The following CDIN1 variants were observed in gnomAD, a reference collection of about 807,000 sequenced individuals.
The protein encoded by CDIN1 is CDAN1-interacting nuclease 1.
CDIN1 carries 33 observed loss-of-function variants against 45.3 expected under a neutral mutation model. The observed-to-expected ratio is 0.73, with a 90% CI of 0.55 to 0.97. The LOEUF (loss-of-function observed/expected upper bound fraction) is 0.97, where lower values mean the gene tolerates loss of function less well. Ranked by LOEUF, CDIN1 falls within the 50% of genes least tolerant of loss-of-function variation. The probability of loss-of-function intolerance (pLI) is 0.00; values close to 1 mark genes in which losing one functional copy is unlikely to be tolerated. For synonymous variants in CDIN1, 118 were observed against 124.4 expected (o/e 0.95, Z 0.34); for missense variants, 303 against 339.4 (o/e 0.89, Z 0.84).
intron 10 of CDIN1, among the ~76,000 whole-genome samples, chr15:36,781,008 G>C (rs1200363266): frequency 6.6e-6 from 1 of 152,164 alleles, no homozygotes; most frequent in Admixed American, 6.5e-5. Context: ...ACGCCCCAAA[G>C]TCCAGGATAT....
chr15:36,604,261 G>A (rs1445456681), intron 1 of CDIN1, among the ~76,000 whole-genome samples: 1 of 126,032 alleles, frequency 7.9e-6, no homozygotes, highest in Non-Finnish European at 1.7e-5. Flanking sequence ...TTTATGTAAT[G>A]AAAGCCACCT....
At chr15:36,580,771 T>C (rs1271868277) in intron 1 of CDIN1, among the ~76,000 whole-genome samples, 2 of 152,314 alleles carry the variant, frequency 1.3e-5, no homozygotes, top group Non-Finnish European at 2.9e-5. Flanking sequence ...AGAATGTTTG[T>C]TTACTTTTTT....
chr15:36,737,376 A>G (rs1052890530), intron 10 of CDIN1, among the ~76,000 whole-genome samples: 1 of 152,158 alleles, frequency 6.6e-6, no homozygotes, highest in Non-Finnish European at 1.5e-5. Context: ...GAGCATTTGG[A>G]AAATATTAAC....
At chr15:36,796,470 A>C (rs899800160) in intron 10 of CDIN1, among the ~76,000 whole-genome samples, 38 of 152,218 alleles carry the variant, frequency 2.5e-4, no homozygotes, top group African/African-American at 7.5e-4. Flanking sequence ...CCAGAACTGC[A>C]GAATGATTCA....
At chr15:36,636,168 A>G (rs2039889668) in intron 1 of CDIN1, among the ~76,000 whole-genome samples, 1 of 152,204 alleles carries the variant, frequency 6.6e-6, no homozygotes, top group Non-Finnish European at 1.5e-5. Flanking sequence ...TTAAAGCCAG[A>G]TAGAGGAATG....
chr15:36,585,335 T>C (rs533603144), intron 1 of CDIN1, among the ~76,000 whole-genome samples: 173 of 152,380 alleles, frequency 1.1e-3, no homozygotes, highest in African/African-American at 4.1e-3. Flanking sequence ...TTTTCACTGA[T>C]GTCCCTTTTC....
At chr15:36,757,053 A>T (rs1014938791) in intron 10 of CDIN1, among the ~76,000 whole-genome samples, 1 of 152,180 alleles carries the variant, frequency 6.6e-6, no homozygotes, top group Non-Finnish European at 1.5e-5. Flanking sequence ...GAACAGCTAG[A>T]GGCTGGAACC....
At chr15:36,598,055 A>G (rs1311680527) in intron 1 of CDIN1, among the ~76,000 whole-genome samples, 4 of 152,150 alleles carry the variant, frequency 2.6e-5, no homozygotes, top group South Asian at 2.1e-4. Flanking sequence ...CAGTGGTGCA[A>G]TGTCAGCTCA....
In CDIN1 at chr15:36,697,454, A is replaced by T. The variant is rs2042474484; in HGVS notation, c.544+64A>T. 11 of 1,314,852 alleles carry T rather than the reference A, an allele frequency of 8.4e-6. No individual in the cohort carries two copies. In the Admixed American group the frequency reaches 1.8e-4, roughly 22 times the overall value. 81.4% of individuals were successfully genotyped at this position (1,314,852 alleles called of 1,614,324 possible). A position where few individuals can be genotyped will look rare whatever the true frequency, so the allele number is the denominator to read the frequency against. ...CCCTGAGTGCTTAAATATATATTTT[A>T]AAAATCTTCCACTAAAGGAAGAGTG... On this transcript the variant is annotated intron_variant, in intron 8 of 10. Coordinates refer to ENST00000566621, the MANE Select transcript of CDIN1 (RefSeq NM_001321759.2).
rs181497374 is a variant in CDIN1, at chr15:36,768,895, A to G, written c.717-39429A>G. On this transcript the variant is annotated intron_variant, in intron 10 of 10. Transcript: ENST00000566621. ...GTTTCCTAGGAGGACCTTTAAATTC[A>G]GCTGTGCACTCTAAAGACCCAGTTG... is the stretch of plus-strand genomic sequence containing the variant. Among the ~76,000 whole-genome samples the G allele has an allele frequency of 3.1e-4, 47 of 152,280 alleles. No homozygotes were observed. The East Asian group carries it at 8.7e-3, about 28-fold the overall frequency.
intron 10 of CDIN1, chr15:36,734,308 G>A: frequency 2.7e-6 from 1 of 366,386 alleles, no homozygotes; most frequent in South Asian, 2.2e-5. Context: ...TGTACACTTT[G>A]TTCATCCTTA....
intron 5 of CDIN1, among the ~76,000 whole-genome samples, chr15:36,664,211 CCAGACCA>C: frequency 6.6e-6 from 1 of 152,214 alleles, no homozygotes; most frequent in South Asian, 2.1e-4. Flanking sequence ...AATTCAGGTT[CCAGACCA>C]CAGTTTATAG....
chr15:36,740,675 G>C (rs993555907), intron 10 of CDIN1, among the ~76,000 whole-genome samples: 9 of 152,138 alleles, frequency 5.9e-5, no homozygotes, highest in African/African-American at 2.2e-4. Context: ...GATCACCCGA[G>C]GTCGGGAGTT....
intron 10 of CDIN1, among the ~76,000 whole-genome samples, chr15:36,795,003 T>G (rs2054755232): frequency 6.6e-6 from 1 of 152,106 alleles, no homozygotes; most frequent in Non-Finnish European, 1.5e-5. Context: ...GAACTGGAGG[T>G]TATTATGTTA....
chr15:36,806,929 G>C (rs1332457999), intron 10 of CDIN1, among the ~76,000 whole-genome samples: 2 of 152,162 alleles, frequency 1.3e-5, no homozygotes, highest in East Asian at 3.9e-4. Flanking sequence ...TCTTCTTTGG[G>C]GATGCTGAGG....
chr15:36,623,611 C>A (rs1008908410), intron 1 of CDIN1, among the ~76,000 whole-genome samples: 3 of 152,192 alleles, frequency 2.0e-5, no homozygotes, highest in Admixed American at 6.5e-5. Context: ...GAACAGGGTC[C>A]TGGAAGTTGC....
At chr15:36,610,878 A>G (rs908934792) in intron 1 of CDIN1, among the ~76,000 whole-genome samples, 1 of 152,228 alleles carries the variant, frequency 6.6e-6, no homozygotes, top group African/African-American at 2.4e-5. Context: ...CAAGGGGTCC[A>G]GTGGGAAGAG....
chr15:36,805,219 C>T (rs1403909395), intron 10 of CDIN1, among the ~76,000 whole-genome samples: 1 of 152,126 alleles, frequency 6.6e-6, no homozygotes, highest in African/African-American at 2.4e-5. Context: ...GATCTTATTA[C>T]TTGACCATGA....
At chr15:36,659,494 A>G (rs887400538) in intron 5 of CDIN1, among the ~76,000 whole-genome samples, 1 of 152,198 alleles carries the variant, frequency 6.6e-6, no homozygotes, top group East Asian at 1.9e-4. Context: ...AAGGAGGCGA[A>G]TGTAAATATT....
Sources: allele counts gnomAD v4.1 joint callset (sites outside exome capture counted in the v4.1 genomes callset), GRCh38; gene constraint gnomAD v4.1.1; transcripts MANE v1.5; gene names NCBI Gene and HGNC (gene_info 2026-07-23, HGNC 2026-07-21).